SEMA3E: variants seen among roughly 807,000 people sequenced by gnomAD.
SEMA3E encodes the protein semaphorin 3E.
A neutral mutation model predicts 93.6 loss-of-function variants in SEMA3E; 49 were observed. The ratio of observed to expected loss-of-function variants is 0.52; its 90% CI spans 0.42 to 0.66. SEMA3E has a LOEUF of 0.66. Among genes scored for constraint, SEMA3E ranks in the 30% least tolerant of loss-of-function variants. The pLI, the probability that SEMA3E is intolerant of heterozygous loss-of-function variation, is 0.00. For synonymous variants in SEMA3E, 363 were observed against 330.7 expected (o/e 1.10, Z -1.06); for missense variants, 906 against 964.8 (o/e 0.94, Z 0.81).
At chr7:83,378,813 AC>A (rs1787713204) in intron 16 of SEMA3E, among the ~76,000 whole-genome samples, 1 of 151,906 alleles carries the variant, frequency 6.6e-6, no homozygotes, top group South Asian at 2.1e-4. Context: ...GTAAATTAGC[AC>A]AACCTTTATG....
Position 83,420,858 on chromosome 7 carries a change from A to AAACATAGCCTAGTGCCGGGCACGGTGG in SEMA3E, c.457-2376_457-2375insCCACCGTGCCCGGCACTAGGCTATGTT, listed in dbSNP as rs1451192435. Among the ~76,000 whole-genome samples the AAACATAGCCTAGTGCCGGGCACGGTGG allele has an allele frequency of 7.5e-4, 108 of 144,494 alleles. 3 individuals carry two copies. Among genetic ancestry groups the AAACATAGCCTAGTGCCGGGCACGGTGG allele is most frequent in the South Asian group, 1.1e-3 (5 of 4,442 alleles). 94.8% of individuals were successfully genotyped at this position (144,494 alleles called of 152,430 possible). A position where few individuals can be genotyped will look rare whatever the true frequency, so the allele number is the denominator to read the frequency against. Reference sequence around the variant, plus strand: ...TAAAGATTTAAATATAAGACCTCTAACTATAAGAATCCTAGAAGAAAACCT... The same window carrying AAACATAGCCTAGTGCCGGGCACGGTGG: ...TAAAGATTTAAATATAAGACCTCTAAAACATAGCCTAGTGCCGGGCACGGTGGCTATAAGAATCCTAGAAGAAAACCT... On this transcript the variant is annotated intron_variant, in intron 4 of 16. Coordinates refer to ENST00000643230, the MANE Select transcript of SEMA3E (RefSeq NM_012431.3).
chr7:83,634,500 A>G (rs215249), intron 1 of SEMA3E, among the ~76,000 whole-genome samples: 3,250 of 152,222 alleles, frequency 0.021, 107 homozygotes, highest in African/African-American at 0.074. Flanking sequence ...TCTGTCAAAA[A>G]CAGTGCCCAG....
intron 1 of SEMA3E, chr7:83,641,404 T>C (rs1794007505): frequency 1.0e-6 from 1 of 985,290 alleles, no homozygotes; most frequent in Non-Finnish European, 1.2e-6. Context: ...GCTGAGCTGA[T>C]AGCTGCCTAT....
chr7:83,566,917 C>T (rs924551393), intron 1 of SEMA3E, among the ~76,000 whole-genome samples: 2 of 152,130 alleles, frequency 1.3e-5, no homozygotes, highest in African/African-American at 4.8e-5. Context: ...CAAGAATAAA[C>T]CCTCACATAT....
rs1794617277 is a variant in SEMA3E at position 83,363,622 on chromosome 7, A to G, written c.*3964T>C. 1 of 152,206 alleles carries G rather than the reference A, an allele frequency of 6.6e-6. No homozygotes were observed. Among genetic ancestry groups the G allele is most frequent in the South Asian group, 2.1e-4 (1 of 4,830 alleles). The allele number at this position is 152,206 out of a possible 1,614,324, so 9.4% of individuals were successfully genotyped here. ...ATACCAGCTTAAATAACACTGCTAC[A>G]ATCAGCTGAGTGTTTGTGGAAAATC... On this transcript the variant is annotated 3_prime_UTR_variant, in exon 17 of 17. Coordinates refer to ENST00000643230, the MANE Select transcript of SEMA3E (RefSeq NM_012431.3).
At chr7:83,574,246 GTGAT>G (rs1197498318) in intron 1 of SEMA3E, among the ~76,000 whole-genome samples, 1 of 152,134 alleles carries the variant, frequency 6.6e-6, no homozygotes, top group Non-Finnish European at 1.5e-5. Flanking sequence ...GAAGAACAAA[GTGAT>G]AGATAGTCAA....
intron 1 of SEMA3E, among the ~76,000 whole-genome samples, chr7:83,577,739 G>T (rs1447674068): frequency 2.6e-5 from 4 of 151,984 alleles, no homozygotes; most frequent in African/African-American, 9.7e-5. Flanking sequence ...AAGGAGAATT[G>T]GCTCTAGGAG....
At chr7:83,376,485 GACTATAGAA>G (rs374643986) in intron 16 of SEMA3E, among the ~76,000 whole-genome samples, 39 of 151,900 alleles carry the variant, frequency 2.6e-4, no homozygotes, top group African/African-American at 8.9e-4. Context: ...TTTTATTTTA[GACTATAGAA>G]ACTTAGCACA....
At chr7:83,400,676 G>A (rs754113208) in intron 10 of SEMA3E, among the ~76,000 whole-genome samples, 1 of 152,040 alleles carries the variant, frequency 6.6e-6, no homozygotes, top group African/African-American at 2.4e-5. Context: ...CAAACATGCA[G>A]CACAAGATAT....
chr7:83,529,990 T>G (rs927998265), intron 1 of SEMA3E, among the ~76,000 whole-genome samples: 2 of 152,170 alleles, frequency 1.3e-5, no homozygotes, highest in African/African-American at 2.4e-5. Context: ...TTTTTCTGTA[T>G]GTATAAACAC....
intron 9 of SEMA3E, among the ~76,000 whole-genome samples, chr7:83,404,197 C>T (rs1392829115): frequency 5.3e-5 from 8 of 151,924 alleles, no homozygotes; most frequent in Non-Finnish European, 1.2e-4. Flanking sequence ...AACTATTTTT[C>T]TTTGCATCAA....
At chr7:83,387,617 C>G (rs953619106) in intron 14 of SEMA3E, among the ~76,000 whole-genome samples, 3 of 151,524 alleles carry the variant, frequency 2.0e-5, no homozygotes, top group Admixed American at 6.6e-5. Context: ...AACATTGCCT[C>G]TATTCAATGT....
intron 4 of SEMA3E, among the ~76,000 whole-genome samples, chr7:83,420,859 CT>C (rs1788659311): frequency 1.0e-5 from 1 of 98,956 alleles, no homozygotes; most frequent in Admixed American, 9.4e-5. Context: ...AGACCTCTAA[CT>C]ATAAGAATCC....
intron 1 of SEMA3E, among the ~76,000 whole-genome samples, chr7:83,598,683 G>A (rs1421228748): frequency 6.6e-6 from 1 of 152,164 alleles, no homozygotes; most frequent in African/African-American, 2.4e-5. Flanking sequence ...GTCCAATCTT[G>A]TCTTAAAGGG....
At chr7:83,395,099 A>C (rs1467918985) in intron 12 of SEMA3E, among the ~76,000 whole-genome samples, 2 of 152,178 alleles carry the variant, frequency 1.3e-5, no homozygotes, top group Non-Finnish European at 2.9e-5. Flanking sequence ...TTTTACTTTA[A>C]ACTACAGAAT....
intron 1 of SEMA3E, among the ~76,000 whole-genome samples, chr7:83,538,669 GA>G (rs1476265310): frequency 6.6e-6 from 1 of 152,058 alleles, no homozygotes; most frequent in African/African-American, 2.4e-5. Context: ...CATATTTTAT[GA>G]TTTCATAAGT....
chr7:83,566,196 C>T (rs559652552), intron 1 of SEMA3E, among the ~76,000 whole-genome samples: 19 of 147,774 alleles, frequency 1.3e-4, no homozygotes, highest in African/African-American at 4.5e-4. Flanking sequence ...TTAGTAGAGA[C>T]GGGGTTTTAC....
chr7:83,467,887 A>G (rs1789804893), intron 3 of SEMA3E, among the ~76,000 whole-genome samples: 2 of 142,878 alleles, frequency 1.4e-5, no homozygotes, highest in Admixed American at 7.4e-5. Context: ...TATGATCAGT[A>G]TACTGAATTT....
At chr7:83,424,614 C>T (rs911983248) in intron 4 of SEMA3E, among the ~76,000 whole-genome samples, 5 of 152,090 alleles carry the variant, frequency 3.3e-5, no homozygotes, top group South Asian at 2.1e-4. Flanking sequence ...GGCATAATAA[C>T]GGAGCCTCAA....
Sources: allele counts gnomAD v4.1 joint callset (sites outside exome capture counted in the v4.1 genomes callset), GRCh38; gene constraint gnomAD v4.1.1; transcripts MANE v1.5; gene names NCBI Gene and HGNC (gene_info 2026-07-23, HGNC 2026-07-21).